TNRC18: variants seen among roughly 807,000 people sequenced by gnomAD.
TNRC18 encodes the protein trinucleotide repeat containing 18.
A neutral mutation model predicts 226.7 loss-of-function variants in TNRC18; 69 were observed. The observed-to-expected ratio is 0.30, with a 90% confidence interval of 0.25 to 0.37. TNRC18 has a LOEUF of 0.37. Among genes scored for constraint, TNRC18 ranks in the 10% least tolerant of loss-of-function variants. The probability of loss-of-function intolerance (pLI) is 1.00; values close to 1 mark genes in which losing one functional copy is unlikely to be tolerated. For synonymous variants in TNRC18, 2,449 were observed against 1,927.6 expected (o/e 1.27, Z -7.09); for missense variants, 4,754 against 4,256.6 (o/e 1.12, Z -3.25).
In TNRC18 at chr7:5,388,360, T is replaced by G. The variant is rs781100792; in HGVS notation, c.1464A>C (p.Gln488His). Reference protein sequence around the residue: ...APRGPAGPAAQQAAKLFGLEP... With the variant: ...APRGPAGPAAHQAAKLFGLEP... ...CCAGGCCGAAGAGCTTGGCGGCCTG[T>G]TGGGCTGCAGGACCGGCTGGGCCGC... Residue 488 changes from glutamine to histidine, a missense_variant, in exon 5 of 30, where the codon CAA (glutamine) becomes CAC (histidine). Physicochemically the swap from Gln to His is conservative, Grantham distance 24. Coordinates refer to ENST00000430969, the MANE Select transcript of TNRC18 (RefSeq NM_001080495.3). 46 of 1,572,636 alleles carry G rather than the reference T, an allele frequency of 2.9e-5. 3 individuals carry two copies. The South Asian group carries it at 5.3e-4, about 18-fold the overall frequency.
intron 16 of TNRC18, among the ~76,000 whole-genome samples, chr7:5,356,494 G>A (rs1293643766): frequency 6.6e-6 from 1 of 152,238 alleles, no homozygotes; most frequent in Non-Finnish European, 1.5e-5. Context: ...TGTGGGTAGG[G>A]GAGTCCGGTC....
At chr7:5,375,501 G>C (rs1794572455) in intron 9 of TNRC18, among the ~76,000 whole-genome samples, 1 of 152,146 alleles carries the variant, frequency 6.6e-6, no homozygotes, top group South Asian at 2.1e-4. Flanking sequence ...AGCCAGGCCT[G>C]GCAGAGCTAA....
chr7:5,319,778 G>C (rs1310011286), intron 24 of TNRC18, among the ~76,000 whole-genome samples: 1 of 152,162 alleles, frequency 6.6e-6, no homozygotes, highest in East Asian at 1.9e-4. Flanking sequence ...CCAAAGTGCT[G>C]GGATTACAGG....
chr7:5,343,291 T>A (rs551001106), intron 18 of TNRC18, among the ~76,000 whole-genome samples: 1 of 152,088 alleles, frequency 6.6e-6, no homozygotes. Flanking sequence ...GAGGTGGAGA[T>A]TGCAGTGAGC....
intron 24 of TNRC18, among the ~76,000 whole-genome samples, chr7:5,319,566 T>C (rs912640059): frequency 2.6e-5 from 4 of 152,180 alleles, no homozygotes; most frequent in African/African-American, 9.7e-5. Flanking sequence ...TAGAGTGCAG[T>C]GGTGCAATCC....
chr7:5,409,391 G>A (rs970861836), intron 2 of TNRC18, among the ~76,000 whole-genome samples: 1 of 151,932 alleles, frequency 6.6e-6, no homozygotes, highest in Non-Finnish European at 1.5e-5. Flanking sequence ...AAGAGCTCTT[G>A]GGACATAAAA....
chr7:5,359,254 AAG>A (rs2128157862), intron 15 of TNRC18, 142 bp downstream of exon 15: 4 of 863,956 alleles, frequency 4.6e-6, no homozygotes, highest in East Asian at 4.9e-5. Context: ...AAGATTGGAG[AAG>A]AGTCATTCCG....
chr7:5,353,929 AC>A (rs1407395979), intron 16 of TNRC18, among the ~76,000 whole-genome samples: 1 of 152,058 alleles, frequency 6.6e-6, no homozygotes, highest in Admixed American at 6.6e-5. Flanking sequence ...CAGACCAGGC[AC>A]GGCAGCTCAT....
chr7:5,375,448 A>G (rs1191268089), intron 9 of TNRC18, among the ~76,000 whole-genome samples: 1 of 152,200 alleles, frequency 6.6e-6, no homozygotes, highest in Non-Finnish European at 1.5e-5. Flanking sequence ...GGGAGAGGAA[A>G]CCTGAAGCCC....
rs374283744 is a variant in TNRC18, at chr7:5,313,826, G to C, written c.7065C>G (p.Asp2355Glu). 4.6e-6 allele frequency: 7 copies of C among 1,506,044 alleles called. No homozygotes were observed. The highest frequency in any genetic ancestry group is 1.4e-5 in the South Asian group (1 of 73,420). 93.3% of individuals were successfully genotyped at this position (1,506,044 alleles called of 1,614,324 possible). A position where few individuals can be genotyped will look rare whatever the true frequency, so the allele number is the denominator to read the frequency against. Residue 2355 changes from aspartate (D) to glutamate (E), a missense_variant, in exon 27 of 30, where the codon GAC (aspartate) becomes GAG (glutamate). Transcript: ENST00000430969. ...GGGCTAAGGGGGTACTGGGGACCTC[G>C]TCTGTTGGGTTCCCCTCCTCCAGGG... ...AATLEEGNPT[D>E]EVPSTPLALE...
intron 18 of TNRC18, among the ~76,000 whole-genome samples, chr7:5,338,726 G>C (rs1790367082): frequency 6.6e-6 from 1 of 151,444 alleles, no homozygotes; most frequent in African/African-American, 2.4e-5. Flanking sequence ...TTTGAGACCA[G>C]CTTGACCAAC....
rs536793379 is a variant in TNRC18, at chr7:5,313,324, C to G, written c.7567G>C (p.Gly2523Arg). Residue 2523 changes from glycine (G) to arginine (R), a missense_variant, in exon 27 of 30, where the codon GGG (glycine) becomes CGG (arginine). Physicochemically the swap from Gly to Arg is moderately radical, Grantham distance 125. Coordinates refer to ENST00000430969, the MANE Select transcript of TNRC18 (RefSeq NM_001080495.3). ...PKAPWPKATD[G>R]DLAQEPGPGL... ...GGCCCGGGCTCCTGGGCGAGGTCCCCGTCGGTGGCCTTGGGCCAGGGTGCC... is the reference window on the plus strand; with the variant it reads ...GGCCCGGGCTCCTGGGCGAGGTCCCGGTCGGTGGCCTTGGGCCAGGGTGCC... The G allele has an allele frequency of 8.4e-6, 13 of 1,550,924 alleles. No homozygotes were observed. In the East Asian group the frequency reaches 2.2e-4, roughly 26 times the overall value.
intron 2 of TNRC18, among the ~76,000 whole-genome samples, chr7:5,417,030 G>A (rs1227393736): frequency 6.6e-6 from 1 of 151,976 alleles, no homozygotes; most frequent in Non-Finnish European, 1.5e-5. Context: ...GGGTGCAGTG[G>A]TGCACACCTG....
rs777960939 is a variant in TNRC18 at position 5,313,725 on chromosome 7, G to A, written c.7166C>T (p.Ala2389Val). The A allele has an allele frequency of 2.0e-5, 31 of 1,576,718 alleles. No individual in the cohort carries two copies. The highest frequency in any genetic ancestry group is 2.4e-5 in the South Asian group (2 of 84,840). ...ACTGGGCTGCGGCGGTGCCGGGCGCGCCTTGGGGGCCTTGGCTCGCTTGTC... is the reference window on the plus strand; with the variant it reads ...ACTGGGCTGCGGCGGTGCCGGGCGCACCTTGGGGGCCTTGGCTCGCTTGTC... ...PVDKRAKAPK[A>V]RPAPPQPSPA... Residue 2389 changes from alanine to valine, a missense_variant, in exon 27 of 30, where the codon GCG becomes GTG. Transcript: ENST00000430969.
chr7:5,422,629 G>A (rs1459262816), intron 1 of TNRC18, among the ~76,000 whole-genome samples: 1 of 152,090 alleles, frequency 6.6e-6, no homozygotes, highest in Non-Finnish European at 1.5e-5. Flanking sequence ...CCGGCGCCCT[G>A]CACTCCGCGC....
chr7:5,352,588 A>C (rs1791941145), intron 16 of TNRC18, among the ~76,000 whole-genome samples: 1 of 152,242 alleles, frequency 6.6e-6, no homozygotes, highest in African/African-American at 2.4e-5. Flanking sequence ...GAAACAGGCC[A>C]CAGTAAGGGT....
Position 5,388,261 on chromosome 7 carries a change from C to T in TNRC18, c.1563G>A (p.Thr521=). 2 of 1,527,946 alleles carry T rather than the reference C, an allele frequency of 1.3e-6. No homozygotes were observed. Among genetic ancestry groups the T allele is most frequent in the South Asian group, 1.1e-5 (1 of 89,606 alleles). The allele number at this position is 1,527,946 out of a possible 1,614,324, so 94.6% of individuals were successfully genotyped here. A position where few individuals can be genotyped will look rare whatever the true frequency, so the allele number is the denominator to read the frequency against. ...GCTGCGCGGCCAGCACGGCCATCTG[C>T]GTGGCGGCGAAGTTGCCCAGCTCGA... ...KPFELGNFAA[T]QMAVLAAQHH... Residue 521 remains threonine (T), a synonymous_variant, in exon 5 of 30, where the codon ACG becomes ACA. Transcript: ENST00000430969.
Position 5,324,972 on chromosome 7 carries a change from C to A in TNRC18, c.6300+124G>T. Reference sequence around the variant, plus strand: ...ACGGCCACATCACCCTCGTCACCCGCAACCTCTCTGAGCCACAGCTATAGG... The same window carrying A: ...ACGGCCACATCACCCTCGTCACCCGAAACCTCTCTGAGCCACAGCTATAGG... On this transcript the variant is annotated intron_variant, in intron 20 of 29. Coordinates refer to ENST00000430969, the MANE Select transcript of TNRC18 (RefSeq NM_001080495.3). This position sits in a 1 kb window ranked among gnomAD's most constrained non-coding sequence, Gnocchi z 4.8. 8.2e-7 allele frequency: 1 copy of A among 1,217,476 alleles called. No homozygotes were observed. The highest frequency in any genetic ancestry group is 1.1e-6 in the Non-Finnish European group (1 of 896,040). 75.4% of individuals were successfully genotyped at this position (1,217,476 alleles called of 1,614,324 possible).
chr7:5,318,576 C>A (rs1788066501), intron 24 of TNRC18, among the ~76,000 whole-genome samples: 1 of 148,166 alleles, frequency 6.7e-6, no homozygotes, highest in Admixed American at 6.9e-5. Context: ...ATCAAAGCCT[C>A]CCTCTGCAGA....
Sources: gnomAD v4.1 joint callset for allele counts (sites outside exome capture counted in the v4.1 genomes callset) on GRCh38, gnomAD v4.1.1 for gene constraint, Gnocchi (gnomAD v3.1) non-coding constraint, MANE v1.5 for transcripts, NCBI Gene and HGNC (gene_info 2026-07-23, HGNC 2026-07-21) for gene names.